The following PRKCB variants were observed in gnomAD, a reference collection of about 807,000 sequenced individuals.
PRKCB encodes protein kinase C beta.
Under a neutral mutation model 81.5 loss-of-function variants are expected in PRKCB, and 13 were observed. The ratio of observed to expected loss-of-function variants is 0.16; its 90% CI spans 0.10 to 0.25. PRKCB has a LOEUF of 0.25. Ranked by LOEUF, PRKCB falls within the 10% of genes least tolerant of loss-of-function variation. PRKCB has a pLI of 1.00. For synonymous variants in PRKCB, 335 were observed against 321.4 expected (o/e 1.04, Z -0.45); for missense variants, 509 against 875.7 (o/e 0.58, Z 5.29).
chr16:24,016,715 T>C (rs1278130106), intron 3 of PRKCB, among the ~76,000 whole-genome samples: 1 of 152,112 alleles, frequency 6.6e-6, no homozygotes, highest in African/African-American at 2.4e-5. Context: ...ACAAGAAGGC[T>C]CAAATTACAT....
intron 9 of PRKCB, among the ~76,000 whole-genome samples, chr16:24,128,365 A>G (rs1966848184): frequency 6.6e-6 from 1 of 150,838 alleles, no homozygotes; most frequent in Non-Finnish European, 1.5e-5. Flanking sequence ...ACAGAGCAAG[A>G]CACTGTCTCA....
intron 2 of PRKCB, among the ~76,000 whole-genome samples, chr16:23,851,168 A>G (rs1597209129): frequency 6.6e-6 from 1 of 152,122 alleles, no homozygotes; most frequent in East Asian, 1.9e-4. Context: ...GCCCAAACCA[A>G]TGTTGTGGAG....
At chr16:24,096,970 TCTTTCCTTTCCATTGTTCAC>T (rs1432244363) in intron 7 of PRKCB, among the ~76,000 whole-genome samples, 1 of 150,320 alleles carries the variant, frequency 6.7e-6, no homozygotes, top group African/African-American at 2.4e-5. Context: ...CACACACACA[TCTTTCCTTTCCATTGTTCAC>T]CTTATGACTT....
chr16:23,997,359 C>T (rs988947321), intron 3 of PRKCB, among the ~76,000 whole-genome samples: 2 of 152,212 alleles, frequency 1.3e-5, no homozygotes, highest in Non-Finnish European at 2.9e-5. Flanking sequence ...CAACTCAATA[C>T]AGGCAAAACT....
At chr16:24,185,649 G>A (rs921703888) in intron 15 of PRKCB, 82 bp downstream of exon 15, 3 of 1,159,000 alleles carry the variant, frequency 2.6e-6, no homozygotes, top group Non-Finnish European at 3.8e-6. Context: ...CACCCCACCA[G>A]GGGGGAACAC....
chr16:24,200,594 A>AGG (rs2141986202), intron 16 of PRKCB, among the ~76,000 whole-genome samples: 1 of 152,320 alleles, frequency 6.6e-6, no homozygotes, highest in Non-Finnish European at 1.5e-5. Flanking sequence ...TCCAAGGGTG[A>AGG]GGGGCTTGCA....
chr16:24,083,434 T>C (rs1966274289), intron 5 of PRKCB, among the ~76,000 whole-genome samples: 1 of 152,206 alleles, frequency 6.6e-6, no homozygotes, highest in African/African-American at 2.4e-5. Flanking sequence ...ACCACTGAAA[T>C]ATTCTTTAAC....
intron 5 of PRKCB, among the ~76,000 whole-genome samples, chr16:24,070,374 C>G (rs148460472): frequency 6.6e-6 from 1 of 152,108 alleles, no homozygotes; most frequent in Admixed American, 6.6e-5. Context: ...GTCTCAAACT[C>G]CTGACCTCAA....
intron 2 of PRKCB, among the ~76,000 whole-genome samples, chr16:23,985,262 T>G (rs1964790092): frequency 6.6e-6 from 1 of 151,962 alleles, no homozygotes; most frequent in African/African-American, 2.4e-5. Flanking sequence ...CCCAGCTAAT[T>G]TTTTTTGTAT....
At chr16:23,965,597 C>T (rs151333003) in intron 2 of PRKCB, among the ~76,000 whole-genome samples, 110 of 152,258 alleles carry the variant, frequency 7.2e-4, no homozygotes, top group African/African-American at 2.0e-3. Context: ...TTAGATCGGC[C>T]GCATTGTAGA....
chr16:24,147,306 CAA>C (rs34855077), intron 9 of PRKCB, among the ~76,000 whole-genome samples: 3 of 114,878 alleles, frequency 2.6e-5, no homozygotes, highest in Admixed American at 9.3e-5. Context: ...GACTCTGTCT[CAA>C]AAAAAAAAAA....
chr16:24,124,861 G>A (rs566586347), intron 9 of PRKCB, among the ~76,000 whole-genome samples: 14 of 151,858 alleles, frequency 9.2e-5, no homozygotes, highest in Non-Finnish European at 1.9e-4. Context: ...CCTGGCCACC[G>A]CCCCCCACAG....
chr16:23,989,100 A>G (rs1246346378), intron 3 of PRKCB, among the ~76,000 whole-genome samples: 1 of 152,030 alleles, frequency 6.6e-6, no homozygotes, highest in African/African-American at 2.4e-5. Context: ...AGCTGGGACT[A>G]CAGGCACCTG....
intron 9 of PRKCB, among the ~76,000 whole-genome samples, chr16:24,125,300 T>A (rs544221373): frequency 3.1e-4 from 44 of 140,826 alleles, no homozygotes; most frequent in Middle Eastern, 7.3e-3. Context: ...TTAGCTTGTA[T>A]CACCCTTTAT....
At chr16:24,177,462 C>G (rs941661885) in intron 12 of PRKCB, among the ~76,000 whole-genome samples, 3 of 152,158 alleles carry the variant, frequency 2.0e-5, no homozygotes, top group African/African-American at 7.2e-5. Context: ...TGTGGAAGAA[C>G]AGAGTCAATC....
chr16:24,038,946 C>A (rs920639716), intron 5 of PRKCB, among the ~76,000 whole-genome samples: 1 of 152,094 alleles, frequency 6.6e-6, no homozygotes, highest in Non-Finnish European at 1.5e-5. Context: ...TATCTTAAAG[C>A]CTCACCCCCA....
At chr16:23,956,355 A>T (rs1263549815) in intron 2 of PRKCB, among the ~76,000 whole-genome samples, 2 of 151,912 alleles carry the variant, frequency 1.3e-5, no homozygotes, top group Non-Finnish European at 2.9e-5. Flanking sequence ...TTTTTCCCTT[A>T]TTAATACCTT....
At chr16:23,987,460 C>T (rs1452797147) in intron 2 of PRKCB, among the ~76,000 whole-genome samples, 1 of 151,824 alleles carries the variant, frequency 6.6e-6, no homozygotes, top group African/African-American at 2.4e-5. Context: ...GTTCCTCTGT[C>T]ACTTGTATTT....
intron 9 of PRKCB, among the ~76,000 whole-genome samples, chr16:24,136,213 T>A (rs575643492): frequency 6.6e-6 from 1 of 151,874 alleles, no homozygotes; most frequent in East Asian, 1.9e-4. Context: ...TTCCGCAGCC[T>A]CTGCCTTCAA....
Sources: gnomAD v4.1 joint callset for allele counts (sites outside exome capture counted in the v4.1 genomes callset) on GRCh38, gnomAD v4.1.1 for gene constraint, MANE v1.5 for transcripts, NCBI Gene and HGNC (gene_info 2026-07-23, HGNC 2026-07-21) for gene names.